The following SLC47A2 variants were observed in gnomAD, a reference collection of about 807,000 sequenced individuals.
The protein encoded by SLC47A2 is multidrug and toxin extrusion protein 2.
A neutral mutation model predicts 67.7 loss-of-function variants in SLC47A2; 52 were observed. The ratio of observed to expected loss-of-function variants is 0.77; its 90% CI spans 0.61 to 0.97. The LOEUF is 0.97. SLC47A2 is among the 50% of genes least tolerant of loss of function. SLC47A2 has a pLI of 0.00. For missense variants in SLC47A2, 676 were observed against 712.3 expected (o/e 0.95, Z 0.58); for synonymous variants, 278 against 292.9 (o/e 0.95, Z 0.52).
chr17:19,709,349 C>G (rs1214986645), intron 5 of SLC47A2, among the ~76,000 whole-genome samples: 2 of 152,218 alleles, frequency 1.3e-5, no homozygotes, highest in East Asian at 3.9e-4. Flanking sequence ...TACCCTTTCT[C>G]TCCTCTCTTA....
rs753658484 is a variant in SLC47A2 at position 19,712,709 on chromosome 17, T to C, written c.480A>G (p.Gly160=). ...AGCAAACAGGGGCACCTACCGGAAGTCCTGGAATGAAAATCATTACATAGT... is the reference window on the plus strand; with the variant it reads ...AGCAAACAGGGGCACCTACCGGAAGCCCTGGAATGAAAATCATTACATAGT... ...TQDYVMIFIP[G]LPVIFLYNLL... Residue 160 remains glycine, a synonymous_variant, in exon 5 of 17, where the codon GGA becomes GGG. Transcript: ENST00000433844. 3.2e-5 allele frequency: 51 copies of C among 1,613,228 alleles called. No homozygotes were observed. The highest frequency in any genetic ancestry group is 3.8e-5 in the Non-Finnish European group (45 of 1,179,812).
intron 13 of SLC47A2, among the ~76,000 whole-genome samples, chr17:19,700,729 C>T (rs9916582): frequency 5.8e-4 from 86 of 148,310 alleles, no homozygotes; most frequent in African/African-American, 2.1e-3. Context: ...GGCACCACTG[C>T]ACTCCAGCCT....
At chr17:19,706,524 G>GC in intron 9 of SLC47A2, 124 bp downstream of exon 9, 1 of 721,012 alleles carries the variant, frequency 1.4e-6, no homozygotes, top group Non-Finnish European at 2.2e-6. Flanking sequence ...CTGGAAGGGG[G>GC]CTGGTGAGCT....
chr17:19,702,623 G>GT lies in SLC47A2; in HGVS notation c.1145dup (p.His382GlnfsTer4). ...TACTTACACAGATGGCCTCAAACACGTGAAAGACACTATAAACCGGCAAGA... is the reference window on the plus strand; with the variant it reads ...TACTTACACAGATGGCCTCAAACACGTTGAAAGACACTATAAACCGGCAAGA... On this transcript the variant is annotated frameshift_variant, in exon 13 of 17. Coordinates refer to ENST00000433844, the MANE Select transcript of SLC47A2 (RefSeq NM_001099646.3). LOFTEE classifies it high-confidence loss of function. 6.2e-7 allele frequency: 1 copy of GT among 1,613,910 alleles called. No individual in the cohort carries two copies. Among genetic ancestry groups the GT allele is most frequent in the South Asian group, 1.1e-5 (1 of 90,998 alleles).
chr17:19,716,376 C>A, intron 1 of SLC47A2, 57 bp downstream of exon 1: 3 of 1,554,280 alleles, frequency 1.9e-6, no homozygotes, highest in South Asian at 1.2e-5. Flanking sequence ...AAGGCAGACA[C>A]CCTCAGCCTC....
At position 19,685,515 on chromosome 17, in the gene SLC47A2, C is replaced by T. The variant is rs995595132; in HGVS notation, c.1165-3845G>A. 6.6e-6 allele frequency among the ~76,000 whole-genome samples: 1 copy of T among 151,976 alleles called. No individual in the cohort carries two copies. Among genetic ancestry groups the T allele is most frequent in the East Asian group, 1.9e-4 (1 of 5,184 alleles). On this transcript the variant is annotated intron_variant, in intron 13 of 16. Coordinates refer to ENST00000433844, the MANE Select transcript of SLC47A2 (RefSeq NM_001099646.3). The surrounding 1 kb of genome is among the most constrained non-coding windows in gnomAD (Gnocchi z 4.5). ...GTCGCCCCATCTGGGAGGTGAGGAG[C>T]GCCTCTGCCTGGCCGCCCCGTCTGG...
chr17:19,707,476 C>A (rs2085971871), intron 8 of SLC47A2, among the ~76,000 whole-genome samples: 1 of 152,202 alleles, frequency 6.6e-6, no homozygotes, highest in Non-Finnish European at 1.5e-5. Flanking sequence ...GCTCTCACCG[C>A]CATCCTGAGA....
chr17:19,705,311 C>G (rs112353211), intron 10 of SLC47A2, 125 bp downstream of exon 10: 1 of 1,020,990 alleles, frequency 9.8e-7, no homozygotes, highest in African/African-American at 1.6e-5. Context: ...CTGGTGGGCA[C>G]GAGAGGCCCG....
At position 19,707,745 on chromosome 17, in the gene SLC47A2, C is replaced by G. The variant is rs780045334; in HGVS notation, c.727+1G>C. 8.8e-6 allele frequency: 14 copies of G among 1,583,898 alleles called. No individual in the cohort carries two copies. In the Admixed American group the frequency reaches 2.3e-4, roughly 26 times the overall value. ...CTCCCAGAGCAGGCCAGGCCTCCCA[C>G]CTGCCCACGTCTCCAGGTGCAGCTT... On this transcript the variant is annotated splice_donor_variant, in intron 8 of 16. Transcript: ENST00000433844. LOFTEE classifies it high-confidence loss of function.
Position 19,678,876 on chromosome 17 carries a change from A to C in SLC47A2, c.1511T>G (p.Leu504Trp). Residue 504 changes from leucine to tryptophan, a missense_variant, in exon 17 of 17, where the codon TTG becomes TGG. By Grantham distance (61) the Leu-to-Trp change is moderately conservative. Coordinates refer to ENST00000433844, the MANE Select transcript of SLC47A2 (RefSeq NM_001099646.3). ...GCACTCAGACCTTGAATACGTTGTC[A>C]AGGTAATGCCAGGGGAACTGCCTGT... ...VATGSSPGIT[L>W]TTYSRSECHV... 3.8e-6 allele frequency: 6 copies of C among 1,592,510 alleles called. No homozygotes were observed. Among genetic ancestry groups the C allele is most frequent in the South Asian group, 1.1e-5 (1 of 88,836 alleles).
At chr17:19,700,137 C>G (rs573964105) in intron 13 of SLC47A2, among the ~76,000 whole-genome samples, 2 of 152,240 alleles carry the variant, frequency 1.3e-5, no homozygotes, top group African/African-American at 4.8e-5. Flanking sequence ...AAAACAGTCT[C>G]CAGGAAATTC....
intron 13 of SLC47A2, among the ~76,000 whole-genome samples, chr17:19,694,273 C>G (rs1407852280): frequency 3.3e-5 from 5 of 152,070 alleles, no homozygotes; most frequent in African/African-American, 1.2e-4. Context: ...TAAGCTGATT[C>G]TAAAATACAT....
intron 1 of SLC47A2, chr17:19,715,712 T>TTTG (rs1295904289): frequency 7.2e-6 from 1 of 138,242 alleles, no homozygotes; most frequent in Non-Finnish European, 1.5e-5. Flanking sequence ...TTTTGTTTTT[T>TTTG]TTTTTTTTTT....
At chr17:19,709,303 G>C (rs1016644713) in intron 5 of SLC47A2, among the ~76,000 whole-genome samples, 2 of 152,232 alleles carry the variant, frequency 1.3e-5, no homozygotes, top group Admixed American at 6.5e-5. Flanking sequence ...ATAGGGGAGT[G>C]TACGTGGCAG....
chr17:19,693,697 C>A (rs2085595344), intron 13 of SLC47A2, among the ~76,000 whole-genome samples: 1 of 152,012 alleles, frequency 6.6e-6, no homozygotes, highest in African/African-American at 2.4e-5. Flanking sequence ...ACTTGGGAGG[C>A]TGAGGCAGGA....
intron 13 of SLC47A2, among the ~76,000 whole-genome samples, chr17:19,701,347 C>T (rs967327903): frequency 2.6e-5 from 4 of 152,016 alleles, no homozygotes; most frequent in African/African-American, 7.3e-5. Flanking sequence ...TCTGAATGCC[C>T]GGCTATATTC....
chr17:19,708,598 C>A, intron 6 of SLC47A2, 118 bp downstream of exon 6: 1 of 1,592,772 alleles, frequency 6.3e-7, no homozygotes, highest in Non-Finnish European at 8.6e-7. Context: ...TGGAAGTGAC[C>A]CCTTTCAAGA....
chr17:19,701,167 C>CAAAA (rs35086555), intron 13 of SLC47A2, among the ~76,000 whole-genome samples: 89 of 64,930 alleles, frequency 1.4e-3, no homozygotes, highest in African/African-American at 4.7e-3. Context: ...GACTCTGTCT[C>CAAAA]AAAAAAAAAA....
Position 19,704,173 on chromosome 17 carries a change from G to C in SLC47A2, c.915C>G (p.Pro305=). The C allele has an allele frequency of 6.2e-7, 1 of 1,603,130 alleles. No homozygotes were observed. The highest frequency in any genetic ancestry group is 1.3e-5 in the African/African-American group (1 of 74,608). The change falls in exon 11 of 17, where the codon CCC becomes CCG. Residue 305 remains proline, a synonymous_variant. Transcript: ENST00000433844. The part of the protein sequence containing the change: ...YEVATVTYMI[P]LGLSIGVCVR... Reference sequence around the variant, plus strand: ...CACAGACCCCGATGCTGAGCCCCAAGGGAATCTGGGATCAAAGATAAGAAA... The same window carrying C: ...CACAGACCCCGATGCTGAGCCCCAACGGAATCTGGGATCAAAGATAAGAAA...
Sources: allele counts gnomAD v4.1 joint callset (sites outside exome capture counted in the v4.1 genomes callset), GRCh38; gene constraint gnomAD v4.1.1; non-coding constraint Gnocchi (gnomAD v3.1); transcripts MANE v1.5; gene names NCBI Gene and HGNC (gene_info 2026-07-23, HGNC 2026-07-21).